The following KLF12 variants were observed in gnomAD, a reference collection of about 807,000 sequenced individuals.
KLF12 encodes KLF transcription factor 12, also known as Krueppel-like factor 12.
Under a neutral mutation model 37.8 loss-of-function variants are expected in KLF12, and 9 were observed. That is an observed-to-expected ratio of 0.24 (90% confidence interval 0.14 to 0.42). The LOEUF (loss-of-function observed/expected upper bound fraction) is 0.42, where lower values mean the gene tolerates loss of function less well. KLF12 is among the 10% of genes least tolerant of loss of function. KLF12 has a pLI of 1.00. For missense variants in KLF12, 411 were observed against 516.0 expected, an observed-to-expected ratio of 0.80 and a Z score of 1.97; for synonymous variants, 208 against 202.1, an observed-to-expected ratio of 1.03 and a Z score of -0.25.
upstream of KLF12, among the ~76,000 whole-genome samples, chr13:74,134,663 C>T (rs1004267351): frequency 2.0e-5 from 3 of 151,968 alleles, no homozygotes; most frequent in African/African-American, 7.2e-5. Context: ...GAGTCGTCGG[C>T]CGAGGGGGCC....
intron 1 of KLF12, among the ~76,000 whole-genome samples, chr13:74,038,648 C>T (rs777978570): frequency 6.6e-6 from 1 of 152,100 alleles, no homozygotes; most frequent in Non-Finnish European, 1.5e-5. Context: ...AACATATTAA[C>T]CTAAGGTTCC....
At chr13:73,840,135 C>T (rs921235399) in intron 4 of KLF12, among the ~76,000 whole-genome samples, 5 of 152,130 alleles carry the variant, frequency 3.3e-5, no homozygotes, top group African/African-American at 7.2e-5. Flanking sequence ...GCACAATTCT[C>T]GGTCCTCATT....
At chr13:74,229,476 A>T in the KLF12 span, among the ~76,000 whole-genome samples, 1 of 152,182 alleles carries the variant, frequency 6.6e-6, no homozygotes, top group Non-Finnish European at 1.5e-5. Flanking sequence ...GCTTGTAAAA[A>T]GTAAGGAAGC....
intron 7 of KLF12, among the ~76,000 whole-genome samples, chr13:73,707,642 T>A (rs998773055): frequency 6.6e-6 from 1 of 152,190 alleles, no homozygotes; most frequent in African/African-American, 2.4e-5. Context: ...GAATGAGCTA[T>A]TTAATTAATG....
intron 5 of KLF12, among the ~76,000 whole-genome samples, chr13:73,804,943 A>C (rs757020973): frequency 1.3e-5 from 2 of 152,232 alleles, no homozygotes. Context: ...GAAATAATTT[A>C]ACACTGAAAT....
At chr13:74,020,268 C>T (rs1426184806) in intron 1 of KLF12, among the ~76,000 whole-genome samples, 1 of 152,140 alleles carries the variant, frequency 6.6e-6, no homozygotes, top group African/African-American at 2.4e-5. Flanking sequence ...GCAGTCCATG[C>T]CAAGGATAGA....
In KLF12 at chr13:73,752,993, C is replaced by T. The variant is rs576455279; in HGVS notation, c.869+11945G>A. ...GGTCTCTTACTCCTGACCTTGTGATCGACCCGCCTTGGCCTCCCAAAGTGC... is the reference window on the plus strand; with the variant it reads ...GGTCTCTTACTCCTGACCTTGTGATTGACCCGCCTTGGCCTCCCAAAGTGC... On this transcript the variant is annotated intron_variant, in intron 6 of 7. Transcript: ENST00000377669. Among the ~76,000 whole-genome samples the T allele has an allele frequency of 1.6e-4, 25 of 151,906 alleles. 1 individual carries two copies. The highest frequency in any genetic ancestry group is 6.0e-4 in the African/African-American group (25 of 41,432).
chr13:73,950,428 C>T (rs1890601937), intron 2 of KLF12, among the ~76,000 whole-genome samples: 1 of 152,192 alleles, frequency 6.6e-6, no homozygotes, highest in Non-Finnish European at 1.5e-5. Context: ...ATCTGAGCTT[C>T]CGAATAACAC....
At chr13:73,822,831 G>C (rs998688018) in intron 4 of KLF12, among the ~76,000 whole-genome samples, 1 of 152,100 alleles carries the variant, frequency 6.6e-6, no homozygotes, top group Admixed American at 6.5e-5. Context: ...CTCTAGAGCT[G>C]GCCAAGAGCC....
chr13:74,174,645 C>G, the KLF12 span, among the ~76,000 whole-genome samples: 3 of 152,102 alleles, frequency 2.0e-5, no homozygotes, highest in Admixed American at 2.0e-4. Flanking sequence ...GGCCCATGGT[C>G]TGTGTTCAAG....
chr13:74,143,715 TTTTAC>T, the KLF12 span, among the ~76,000 whole-genome samples: 1 of 152,184 alleles, frequency 6.6e-6, no homozygotes, highest in African/African-American at 2.4e-5. Context: ...CCTACAATTT[TTTTAC>T]TTTAAGAAGC....
chr13:73,985,215 G>A (rs1470466562), intron 2 of KLF12, among the ~76,000 whole-genome samples: 1 of 152,184 alleles, frequency 6.6e-6, no homozygotes, highest in Non-Finnish European at 1.5e-5. Context: ...AGGAGAAGCC[G>A]ACTCCACCAA....
At chr13:74,073,422 A>G (rs1336879774) in intron 1 of KLF12, among the ~76,000 whole-genome samples, 1 of 152,188 alleles carries the variant, frequency 6.6e-6, no homozygotes. Flanking sequence ...GAGGCATAGG[A>G]AGTTCTAAAT....
At chr13:73,704,715 C>A (rs1249183657) in intron 7 of KLF12, among the ~76,000 whole-genome samples, 1 of 152,202 alleles carries the variant, frequency 6.6e-6, no homozygotes, top group Non-Finnish European at 1.5e-5. Flanking sequence ...CCCTGAGACA[C>A]TCTCTTCACA....
chr13:73,850,221 ATTAACCCAC>A (rs1885262211), intron 3 of KLF12, among the ~76,000 whole-genome samples: 1 of 152,212 alleles, frequency 6.6e-6, no homozygotes, highest in Non-Finnish European at 1.5e-5. Flanking sequence ...TTTTACTCAC[ATTAACCCAC>A]TTGATAAAAT....
chr13:73,904,544 G>A (rs557938003), intron 3 of KLF12, among the ~76,000 whole-genome samples: 8 of 143,312 alleles, frequency 5.6e-5, no homozygotes, highest in South Asian at 2.2e-4. Context: ...TAAAATTTGG[G>A]TCCAAAAAGG....
At chr13:74,105,186 T>C (rs1876585168) in intron 1 of KLF12, among the ~76,000 whole-genome samples, 1 of 152,198 alleles carries the variant, frequency 6.6e-6, no homozygotes, top group African/African-American at 2.4e-5. Context: ...TATGCAGACA[T>C]GACGGTCTAT....
chr13:73,994,319 T>G (rs1892047680), intron 2 of KLF12, among the ~76,000 whole-genome samples: 1 of 152,182 alleles, frequency 6.6e-6, no homozygotes, highest in Admixed American at 6.5e-5. Context: ...AAAACCCTAC[T>G]TACGAAATAG....
At chr13:74,166,213 C>T in the KLF12 span, among the ~76,000 whole-genome samples, 72 of 151,754 alleles carry the variant, frequency 4.7e-4, no homozygotes, top group Non-Finnish European at 9.7e-4. Flanking sequence ...CCACCTCAGC[C>T]CCCGAGTAGC....
Sources: gnomAD v4.1 joint callset for allele counts (sites outside exome capture counted in the v4.1 genomes callset) on GRCh38, gnomAD v4.1.1 for gene constraint, MANE v1.5 for transcripts, NCBI Gene and HGNC (gene_info 2026-07-23, HGNC 2026-07-21) for gene names.